DEPDC5: variants seen among roughly 807,000 people sequenced by gnomAD.
DEPDC5 encodes GATOR1 complex protein DEPDC5.
In DEPDC5, 73 loss-of-function variants were observed where a neutral mutation model predicts 217.3. The observed-to-expected ratio is 0.34, with a 90% CI of 0.28 to 0.41. DEPDC5 has a LOEUF of 0.41. Ranked by LOEUF, DEPDC5 falls within the 10% of genes least tolerant of loss-of-function variation. The pLI is 1.00. For missense variants in DEPDC5, 1,675 were observed against 2,070.1 expected, an observed-to-expected ratio of 0.81 and a Z score of 3.70; for synonymous variants, 733 against 756.7, an observed-to-expected ratio of 0.97 and a Z score of 0.51.
At chr22:31,895,372 G>A (rs1400785969) in intron 39 of DEPDC5, among the ~76,000 whole-genome samples, 1 of 152,068 alleles carries the variant, frequency 6.6e-6, no homozygotes, top group Non-Finnish European at 1.5e-5. Context: ...ATCCTGGCCT[G>A]CATCTGTAAT....
chr22:31,876,215 T>A lies in DEPDC5; in HGVS notation c.3755T>A (p.Ile1252Asn). ...HASGEAWRTF[I>N]YGFYFYKIVT... ...TCTGGCGAAGCCTGGCGGACCTTCA[T>A]CTACGGCTTCTATTTCTACAAGATA... Residue 1252 changes from isoleucine to asparagine, a missense_variant, in exon 37 of 43, where the codon ATC becomes AAC. Ile to Asn is a moderately radical substitution (Grantham distance 149). Around this residue, in one of 11 missense-constraint regions of DEPDC5, gnomAD observed 194 missense variants for 199.3 expected, o/e 0.97. Transcript: ENST00000651528. 6.2e-7 allele frequency: 1 copy of A among 1,614,104 alleles called. No homozygotes were observed. Among genetic ancestry groups the A allele is most frequent in the South Asian group, 1.1e-5 (1 of 91,084 alleles).
intron 41 of DEPDC5, among the ~76,000 whole-genome samples, chr22:31,902,408 T>TATATATATATATATATATA (rs2093663741): frequency 5.0e-4 from 56 of 111,914 alleles, no homozygotes; most frequent in African/African-American, 1.6e-3. Flanking sequence ...CATCTCCTTA[T>TATATATATATATATATATA]TATATATATA....
intron 32 of DEPDC5, 130 bp from the exon 33 acceptor site, chr22:31,861,238 T>C: frequency 1.6e-6 from 1 of 636,554 alleles, no homozygotes; most frequent in Non-Finnish European, 2.7e-6. Context: ...TCTCCTTCCC[T>C]CCTTGTTTTT....
intron 31 of DEPDC5, among the ~76,000 whole-genome samples, chr22:31,854,908 C>T (rs2092210414): frequency 6.7e-6 from 1 of 150,208 alleles, no homozygotes; most frequent in Non-Finnish European, 1.5e-5. Flanking sequence ...TTAAAAAGGA[C>T]TTAAGAGATA....
chr22:31,838,890 G>A, intron 27 of DEPDC5, 45 bp downstream of exon 27: 1 of 1,555,550 alleles, frequency 6.4e-7, no homozygotes, highest in Non-Finnish European at 8.7e-7. Flanking sequence ...CTTCTACTGT[G>A]TATGTGGAAG....
intron 24 of DEPDC5, among the ~76,000 whole-genome samples, chr22:31,823,381 A>C (rs923755673): frequency 1.6e-4 from 25 of 152,098 alleles, no homozygotes; most frequent in African/African-American, 5.3e-4. Context: ...AAACACAAAA[A>C]GATTAGCCAG....
intron 40 of DEPDC5, among the ~76,000 whole-genome samples, chr22:31,898,029 G>A (rs1312761178): frequency 2.0e-5 from 3 of 152,102 alleles, no homozygotes; most frequent in Non-Finnish European, 2.9e-5. Context: ...TAAACCTCAC[G>A]GGAGACTTGC....
intron 7 of DEPDC5, among the ~76,000 whole-genome samples, chr22:31,771,512 G>A (rs150107112): frequency 0.014 from 2,083 of 152,062 alleles, 17 homozygotes; most frequent in Middle Eastern, 0.031. Context: ...ACGAGATCAG[G>A]AGATCGAGAC....
In DEPDC5 at chr22:31,797,593, T is replaced by G. The variant is rs767679187; in HGVS notation, c.768-7T>G. 2.5e-6 allele frequency: 4 copies of G among 1,610,406 alleles called. No individual in the cohort carries two copies. The Admixed American group carries it at 6.7e-5, about 27-fold the overall frequency. On this transcript the variant is annotated splice_region_variant and splice_polypyrimidine_tract_variant and intron_variant, in intron 12 of 42. Transcript: ENST00000651528. Reference sequence around the variant, plus strand: ...CAATATCCATTTTATGATAATACTCTTTTCAGAGTGGTGGTGCAGAATGAG... The same window carrying G: ...CAATATCCATTTTATGATAATACTCGTTTCAGAGTGGTGGTGCAGAATGAG...
In DEPDC5 at chr22:31,786,445, AG is replaced by A. The variant is rs1003368651; in HGVS notation, c.624+1573del. On this transcript the variant is annotated intron_variant, in intron 10 of 42. Coordinates refer to ENST00000651528, the MANE Select transcript of DEPDC5 (RefSeq NM_001242896.3). ...TAGCTAAAAAAAAAAAAAAAAAAAAAGGGAAAAAATTTTCCTTATGTTTAAA... is the reference window on the plus strand; with the variant it reads ...TAGCTAAAAAAAAAAAAAAAAAAAAAGGAAAAAATTTTCCTTATGTTTAAA... Among the ~76,000 whole-genome samples the A allele has an allele frequency of 2.8e-5, 4 of 144,214 alleles. No homozygotes were observed. In the South Asian group the frequency reaches 8.8e-4, roughly 32 times the overall value. The allele number at this position is 144,214 out of a possible 152,430, so 94.6% of individuals were successfully genotyped here. A position where few individuals can be genotyped will look rare whatever the true frequency, so the allele number is the denominator to read the frequency against.
At chr22:31,813,916 T>G (rs2088752591) in intron 20 of DEPDC5, 1 of 152,118 alleles carries the variant, frequency 6.6e-6, no homozygotes, top group Non-Finnish European at 1.5e-5. Flanking sequence ...GTGGATCACT[T>G]GAGTTCAGGA....
chr22:31,879,610 C>G lies in DEPDC5; in HGVS notation c.3891C>G (p.Ala1297=). 1 of 1,613,972 alleles carries G rather than the reference C, an allele frequency of 6.2e-7. No individual in the cohort carries two copies. The highest frequency in any genetic ancestry group is 8.5e-7 in the Non-Finnish European group (1 of 1,180,022). ...ASFQRKWFEV[A]FVAEELVHSE... ...TCCAGCGCAAGTGGTTTGAGGTGGC[C>G]TTTGTGGCAGAAGAGCTCGTGCACT... is the stretch of plus-strand genomic sequence containing the variant. Residue 1297 remains alanine, a synonymous_variant, in exon 38 of 43, where the codon GCC becomes GCG. Coordinates refer to ENST00000651528, the MANE Select transcript of DEPDC5 (RefSeq NM_001242896.3).
intron 39 of DEPDC5, among the ~76,000 whole-genome samples, chr22:31,896,352 C>G (rs1433911776): frequency 6.6e-6 from 1 of 152,062 alleles, no homozygotes; most frequent in Non-Finnish European, 1.5e-5. Context: ...GAGATCTCGG[C>G]TTTTTGTTGT....
chr22:31,861,414 C>A lies in DEPDC5; in HGVS notation c.3311C>A (p.Ser1104Ter). 1 of 1,551,608 alleles carries A rather than the reference C, an allele frequency of 6.4e-7. No homozygotes were observed. The highest frequency in any genetic ancestry group is 8.7e-7 in the Non-Finnish European group (1 of 1,146,970). Residue 1104 changes from serine (S) to a stop codon, truncating the protein, a stop_gained, in exon 33 of 43, where the codon TCG (serine) becomes TAG (stop). Transcript: ENST00000651528. LOFTEE classifies it high-confidence loss of function. Reference sequence around the variant, plus strand: ...TTTGTCCGCAGCCCACGCACAGCATCGTCCGCCTTCTACCCTCAGGTTAGT... The same window carrying A: ...TTTGTCCGCAGCCCACGCACAGCATAGTCCGCCTTCTACCCTCAGGTTAGT... The part of the protein sequence containing the change: ...MEFVRSPRTA[S>*]SAFYPQVSVD...
intron 34 of DEPDC5, among the ~76,000 whole-genome samples, chr22:31,872,972 C>T (rs1282379960): frequency 3.3e-5 from 5 of 152,048 alleles, no homozygotes; most frequent in African/African-American, 1.2e-4. Flanking sequence ...CCAGGCTGGT[C>T]TTGACCTCCT....
chr22:31,850,155 A>G (rs879515386), intron 31 of DEPDC5, among the ~76,000 whole-genome samples: 1 of 152,214 alleles, frequency 6.6e-6, no homozygotes, highest in Admixed American at 6.5e-5. Flanking sequence ...CGGGTTTTAA[A>G]TTTGAAGATT....
chr22:31,902,458 A>G (rs2093669081), intron 41 of DEPDC5, among the ~76,000 whole-genome samples: 1 of 147,210 alleles, frequency 6.8e-6, no homozygotes, highest in East Asian at 2.0e-4. Context: ...TCATACAACC[A>G]CAGGACTATT....
At chr22:31,772,341 G>A (rs753212866) in intron 7 of DEPDC5, among the ~76,000 whole-genome samples, 28 of 152,122 alleles carry the variant, frequency 1.8e-4, no homozygotes, top group Non-Finnish European at 5.9e-5. Flanking sequence ...TGTAACCAAG[G>A]TTTATGCCTC....
chr22:31,810,562 C>T lies in DEPDC5; in HGVS notation c.1366C>T (p.Gln456Ter), dbSNP rs2148707379. 6.2e-7 allele frequency: 1 copy of T among 1,614,104 alleles called. No individual in the cohort carries two copies. The highest frequency in any genetic ancestry group is 8.5e-7 in the Non-Finnish European group (1 of 1,180,028). The change falls in exon 20 of 43, where the codon CAA (glutamine) becomes TAA (stop). Residue 456 changes from glutamine to a stop codon, truncating the protein, a stop_gained. Coordinates refer to ENST00000651528, the MANE Select transcript of DEPDC5 (RefSeq NM_001242896.3). LOFTEE classifies it high-confidence loss of function. ...AGAATCTGAGAACGCCCTTCCCATC[C>T]AAGTAGATTATGACGCCTATGACGC... ...PKESENALPI[Q>*]VDYDAYDAQV... is the part of the protein sequence containing the mutation.
Sources: gnomAD v4.1 joint callset for allele counts (sites outside exome capture counted in the v4.1 genomes callset) on GRCh38, gnomAD v4.1.1 for gene constraint, gnomAD v4.1.1 regional missense constraint, MANE v1.5 for transcripts, NCBI Gene and HGNC (gene_info 2026-07-23, HGNC 2026-07-21) for gene names.